Variants in MLLT10 observed in about 807,000 individuals in gnomAD.
The protein encoded by MLLT10 is MLLT10 histone lysine methyltransferase DOT1L cofactor, also known as protein AF-10.
A neutral mutation model predicts 129.1 loss-of-function variants in MLLT10; 30 were observed. The ratio of observed to expected loss-of-function variants is 0.23; its 90% CI spans 0.17 to 0.32. The LOEUF is 0.32. MLLT10 is among the 10% of genes least tolerant of loss of function. The pLI is 1.00. For missense variants in MLLT10, 1,119 were observed against 1,268.3 expected (o/e 0.88, Z 1.79); for synonymous variants, 490 against 446.4 (o/e 1.10, Z -1.23).
intron 5 of MLLT10, 26 bp downstream of exon 5, chr10:21,595,466 G>A (rs746732836): frequency 2.6e-6 from 4 of 1,535,408 alleles, no homozygotes; most frequent in South Asian, 2.3e-5. Context: ...TTTTATTACT[G>A]TTTGAATATC....
intron 13 of MLLT10, among the ~76,000 whole-genome samples, chr10:21,696,336 C>G (rs1275015072): frequency 6.6e-6 from 1 of 151,938 alleles, no homozygotes; most frequent in South Asian, 2.1e-4. Context: ...ACACAGCCCT[C>G]AGGAGATCCT....
intron 11 of MLLT10, among the ~76,000 whole-genome samples, chr10:21,675,521 G>C (rs535863448): frequency 6.6e-6 from 1 of 152,298 alleles, no homozygotes; most frequent in South Asian, 2.1e-4. Flanking sequence ...TAGTGAGAAA[G>C]AAGTTCATAG....
At chr10:21,659,717 G>A (rs1231407003) in intron 9 of MLLT10, among the ~76,000 whole-genome samples, 1 of 151,926 alleles carries the variant, frequency 6.6e-6, no homozygotes, top group African/African-American at 2.4e-5. Flanking sequence ...AACCATGTTG[G>A]CCAGGCTGGT....
intron 9 of MLLT10, among the ~76,000 whole-genome samples, chr10:21,668,098 G>C (rs764836027): frequency 6.6e-6 from 1 of 152,078 alleles, no homozygotes; most frequent in Admixed American, 6.5e-5. Flanking sequence ...ACATTTTTCA[G>C]TAGAGCACCA....
At chr10:21,536,114 A>G (rs1023310060) in intron 2 of MLLT10, among the ~76,000 whole-genome samples, 2 of 152,000 alleles carry the variant, frequency 1.3e-5, no homozygotes, top group Non-Finnish European at 2.9e-5. Context: ...GCTAATTTGT[A>G]TTTTTTAGTA....
At chr10:21,547,926 C>T (rs749466494) in intron 3 of MLLT10, among the ~76,000 whole-genome samples, 3 of 151,922 alleles carry the variant, frequency 2.0e-5, no homozygotes, top group Non-Finnish European at 4.4e-5. Context: ...TTCAATCTAG[C>T]CTTTTATTTT....
intron 13 of MLLT10, among the ~76,000 whole-genome samples, chr10:21,704,022 T>TG (rs1554856133): frequency 1.5e-3 from 205 of 132,376 alleles, no homozygotes; most frequent in Non-Finnish European, 1.9e-3. Flanking sequence ...TTTTGTTTTT[T>TG]TTTTTTTTTT....
intron 8 of MLLT10, among the ~76,000 whole-genome samples, chr10:21,648,337 T>C (rs1458510283): frequency 6.6e-6 from 1 of 152,222 alleles, no homozygotes; most frequent in African/African-American, 2.4e-5. Flanking sequence ...CAGAGTTCTT[T>C]ATTGTTCCAT....
chr10:21,689,708 T>C (rs1299340483), intron 13 of MLLT10, among the ~76,000 whole-genome samples: 1 of 148,596 alleles, frequency 6.7e-6, no homozygotes, highest in Non-Finnish European at 1.5e-5. Context: ...TGATATTTGA[T>C]ATGAAAAATA....
At chr10:21,719,756 T>C (rs536884202) in intron 14 of MLLT10, among the ~76,000 whole-genome samples, 1 of 152,308 alleles carries the variant, frequency 6.6e-6, no homozygotes, top group Non-Finnish European at 1.5e-5. Context: ...ATACAGATAC[T>C]TTATGAGGTT....
intron 14 of MLLT10, among the ~76,000 whole-genome samples, chr10:21,725,984 C>A (rs2057478883): frequency 6.6e-6 from 1 of 152,014 alleles, no homozygotes; most frequent in Non-Finnish European, 1.5e-5. Flanking sequence ...ATCTCCTGAT[C>A]TCGTGATCTG....
chr10:21,660,615 C>CAAAAAAAAAAAAA lies in MLLT10; in HGVS notation c.795+8856_795+8868dup, dbSNP rs55685640. On this transcript the variant is annotated intron_variant, in intron 9 of 22. Transcript: ENST00000307729. ...CGGGTGACAGAGCAAGACTCCATCT[C>CAAAAAAAAAAAAA]AAAAAAAAAAAAAAAAAAAAAGCCA... 1.6e-3 allele frequency among the ~76,000 whole-genome samples: 67 copies of CAAAAAAAAAAAAA among 41,822 alleles called. 2 individuals are homozygous for CAAAAAAAAAAAAA. Among genetic ancestry groups the CAAAAAAAAAAAAA allele is most frequent in the African/African-American group, 6.4e-3 (63 of 9,784 alleles). The allele number at this position is 41,822 out of a possible 152,430, so 27.4% of individuals were successfully genotyped here.
intron 3 of MLLT10, among the ~76,000 whole-genome samples, chr10:21,546,303 C>T (rs2036065288): frequency 6.6e-6 from 1 of 152,094 alleles, no homozygotes; most frequent in Non-Finnish European, 1.5e-5. Context: ...GTCTTGAACT[C>T]CTGGGCTCTA....
chr10:21,688,235 T>C lies in MLLT10; in HGVS notation c.1699+5978T>C, dbSNP rs137941919. ...TGGAAGCTGAAAAGTTCCAACTGAG[T>C]GAGGGAAGCAGTACAAATGGGAATG... is the stretch of plus-strand genomic sequence containing the variant. On this transcript the variant is annotated intron_variant, in intron 13 of 22. Transcript: ENST00000307729. Among the ~76,000 whole-genome samples the C allele has an allele frequency of 2.8e-3, 432 of 152,202 alleles. 1 individual carries two copies. Among genetic ancestry groups the C allele is most frequent in the African/African-American group, 0.01 (421 of 41,542 alleles).
At chr10:21,733,643 A>G in intron 19 of MLLT10, 51 bp downstream of exon 19, 1 of 1,457,188 alleles carries the variant, frequency 6.9e-7, no homozygotes, top group South Asian at 1.4e-5. Context: ...TGTGAATAAT[A>G]GTATATTAAA....
At chr10:21,698,810 T>A (rs1292758002) in intron 13 of MLLT10, among the ~76,000 whole-genome samples, 2 of 152,188 alleles carry the variant, frequency 1.3e-5, no homozygotes, top group Non-Finnish European at 2.9e-5. Flanking sequence ...CGATTTACAT[T>A]CCCCTGATGA....
At chr10:21,699,092 C>T (rs552633800) in intron 13 of MLLT10, among the ~76,000 whole-genome samples, 1 of 152,330 alleles carries the variant, frequency 6.6e-6, no homozygotes, top group African/African-American at 2.4e-5. Context: ...CCAGGCTGGT[C>T]TCAAACTCCT....
rs568390036 is a variant in MLLT10 at position 21,588,370 on chromosome 10, A to G, written c.295+2022A>G. The stretch of plus-strand genomic sequence containing the variant: ...GTGTGAGTCACTGCACCCGGCATGA[A>G]CAGTTTATCTTGTTTCAGTATAGAG... On this transcript the variant is annotated intron_variant, in intron 4 of 22. Transcript: ENST00000307729. Among the ~76,000 whole-genome samples, 5 of 152,262 alleles carry G rather than the reference A, an allele frequency of 3.3e-5. No individual in the cohort carries two copies. The South Asian group carries it at 1.0e-3, about 32-fold the overall frequency.
intron 5 of MLLT10, among the ~76,000 whole-genome samples, chr10:21,597,579 C>T (rs543675424): frequency 6.6e-6 from 1 of 152,252 alleles, no homozygotes; most frequent in South Asian, 2.1e-4. Flanking sequence ...GCCATGTTGG[C>T]CAGGCTGCTC....
Sources: allele counts gnomAD v4.1 joint callset (sites outside exome capture counted in the v4.1 genomes callset), GRCh38; gene constraint gnomAD v4.1.1; transcripts MANE v1.5; gene names NCBI Gene and HGNC (gene_info 2026-07-23, HGNC 2026-07-21).